CREB5: variants seen among roughly 807,000 people sequenced by gnomAD.
The protein encoded by CREB5 is cAMP responsive element binding protein 5.
CREB5 carries 19 observed loss-of-function variants against 57.1 expected under a neutral mutation model. The observed-to-expected ratio is 0.33, with a 90% CI of 0.23 to 0.49. The LOEUF (loss-of-function observed/expected upper bound fraction) is 0.49. Among genes scored for constraint, CREB5 ranks in the 20% least tolerant of loss-of-function variants. The probability of loss-of-function intolerance (pLI) is 0.99; values close to 1 mark genes in which losing one functional copy is unlikely to be tolerated. For missense variants in CREB5, 579 were observed against 671.6 expected, an observed-to-expected ratio of 0.86 and a Z score of 1.52; for synonymous variants, 238 against 238.3, an observed-to-expected ratio of 1.00 and a Z score of 0.01.
chr7:28,311,333 T>G (rs1785272741), intron 1 of CREB5, among the ~76,000 whole-genome samples: 1 of 152,056 alleles, frequency 6.6e-6, no homozygotes, highest in South Asian at 2.1e-4. Context: ...CTTGAGCCCT[T>G]AGGACCTATT....
At chr7:28,648,060 G>A (rs866956884) in intron 5 of CREB5, among the ~76,000 whole-genome samples, 11 of 152,182 alleles carry the variant, frequency 7.2e-5, no homozygotes, top group African/African-American at 1.9e-4. Context: ...GCATCATAGC[G>A]CAGAGTTGGA....
intron 1 of CREB5, among the ~76,000 whole-genome samples, chr7:28,455,971 T>G (rs899782938): frequency 1.3e-4 from 20 of 152,202 alleles, no homozygotes; most frequent in African/African-American, 4.6e-4. Context: ...GTCTGAGAAG[T>G]GTTACTGACC....
intron 1 of CREB5, among the ~76,000 whole-genome samples, chr7:28,302,507 A>T (rs563156115): frequency 7.2e-5 from 11 of 152,316 alleles, no homozygotes; most frequent in Admixed American, 5.2e-4. Flanking sequence ...AATTCATAGG[A>T]TTTAGAGCTG....
intron 7 of CREB5, among the ~76,000 whole-genome samples, chr7:28,803,186 G>T (rs1808472503): frequency 6.6e-6 from 1 of 152,144 alleles, no homozygotes; most frequent in African/African-American, 2.4e-5. Context: ...ATCAAAGGAG[G>T]TGCAATACTT....
intron 5 of CREB5, among the ~76,000 whole-genome samples, chr7:28,709,584 G>A (rs1242993001): frequency 1.3e-5 from 2 of 151,956 alleles, no homozygotes; most frequent in African/African-American, 2.4e-5. Context: ...TAGATGCAGT[G>A]TATATGCTAT....
At chr7:28,308,663 C>T (rs1449511527) in intron 1 of CREB5, among the ~76,000 whole-genome samples, 1 of 152,136 alleles carries the variant, frequency 6.6e-6, no homozygotes, top group Non-Finnish European at 1.5e-5. Flanking sequence ...ATGCCAGTCC[C>T]CCGGCACAAC....
At chr7:28,448,620 T>C (rs1478573622) in intron 1 of CREB5, among the ~76,000 whole-genome samples, 2 of 152,236 alleles carry the variant, frequency 1.3e-5, no homozygotes, top group African/African-American at 4.8e-5. Context: ...TCTTTAACCT[T>C]CTAAATTCTT....
chr7:28,507,736 G>A lies in CREB5; in HGVS notation c.290G>A (p.Arg97Gln), dbSNP rs142741982. The A allele has an allele frequency of 1.5e-5, 24 of 1,598,674 alleles. No individual in the cohort carries two copies. Among genetic ancestry groups the A allele is most frequent in the Admixed American group, 5.0e-5 (3 of 59,438 alleles). The change falls in exon 4 of 11, where the codon CGG becomes CAG. Residue 97 changes from arginine to glutamine, a missense_variant and splice_region_variant. Arg to Gln is a conservative substitution (Grantham distance 43). Transcript: ENST00000357727. ...GCTCAGGAAGAGGAGAGCAGCAAGC[G>A]GGTAGGTTTGCTTGGATGGCCGCCT... The part of the protein sequence containing the change: ...RKAQEEESSK[R>Q]NISMHNAVGG...
At chr7:28,371,164 C>T (rs533571895) in intron 1 of CREB5, among the ~76,000 whole-genome samples, 13 of 152,096 alleles carry the variant, frequency 8.5e-5, no homozygotes, top group African/African-American at 2.4e-4. Flanking sequence ...GTAAAGAGAC[C>T]GGGCAGCAGC....
At chr7:28,348,940 CT>C (rs1299561618) in intron 1 of CREB5, among the ~76,000 whole-genome samples, 1 of 152,182 alleles carries the variant, frequency 6.6e-6, no homozygotes, top group East Asian at 1.9e-4. Flanking sequence ...TGGCCTAGCT[CT>C]TGTTCTTATT....
intron 1 of CREB5, among the ~76,000 whole-genome samples, chr7:28,336,607 GT>G (rs1325497401): frequency 6.6e-6 from 1 of 151,640 alleles, no homozygotes; most frequent in Admixed American, 6.6e-5. Flanking sequence ...TTGGTTAAAG[GT>G]TTGTCAATTT....
chr7:28,522,038 G>A (rs971528788), intron 4 of CREB5, among the ~76,000 whole-genome samples: 13 of 152,228 alleles, frequency 8.5e-5, no homozygotes, highest in African/African-American at 2.6e-4. Flanking sequence ...GTCAGGTGCC[G>A]TTCTAGAAGT....
At chr7:28,479,790 T>C (rs1167394654) in intron 1 of CREB5, among the ~76,000 whole-genome samples, 2 of 152,132 alleles carry the variant, frequency 1.3e-5, no homozygotes, top group Non-Finnish European at 2.9e-5. Context: ...GTAGTGGTAA[T>C]CATAGGAGTT....
At chr7:28,426,960 A>C (rs771046768) in intron 1 of CREB5, among the ~76,000 whole-genome samples, 43 of 152,204 alleles carry the variant, frequency 2.8e-4, no homozygotes, top group Non-Finnish European at 5.0e-4. Flanking sequence ...TAGAATCAGC[A>C]TGAGATCTTA....
chr7:28,616,385 T>G (rs1169235364), intron 5 of CREB5, among the ~76,000 whole-genome samples: 2 of 152,222 alleles, frequency 1.3e-5, no homozygotes, highest in Non-Finnish European at 2.9e-5. Context: ...CTTCTCCTCA[T>G]CAACTCTTTG....
In CREB5 at chr7:28,517,718, C is replaced by T. The variant is rs547470575; in HGVS notation, c.291+9981C>T. ...CTCCTGTCTGCAGTGGAATATCTGT[C>T]GCAGGCTTCTCTGCTTGACTGTTGT... On this transcript the variant is annotated intron_variant, in intron 4 of 10. Coordinates refer to ENST00000357727, the MANE Select transcript of CREB5 (RefSeq NM_182898.4). Among the ~76,000 whole-genome samples the T allele has an allele frequency of 7.9e-5, 12 of 152,198 alleles. 1 individual carries two copies. In the South Asian group the frequency reaches 2.5e-3, roughly 32 times the overall value.
chr7:28,373,445 C>T (rs138641585), intron 1 of CREB5, among the ~76,000 whole-genome samples: 3 of 136,292 alleles, frequency 2.2e-5, no homozygotes, highest in African/African-American at 5.4e-5. Context: ...TTTCTTTTTT[C>T]TTTTTTTTTT....
chr7:28,654,578 C>T (rs1292832857), intron 5 of CREB5, among the ~76,000 whole-genome samples: 4 of 152,212 alleles, frequency 2.6e-5, no homozygotes, highest in Non-Finnish European at 5.9e-5. Flanking sequence ...GATCCTGGAT[C>T]ATCCATTTAC....
intron 1 of CREB5, among the ~76,000 whole-genome samples, chr7:28,421,305 C>T (rs927053536): frequency 2.0e-5 from 3 of 152,152 alleles, no homozygotes; most frequent in Non-Finnish European, 4.4e-5. Flanking sequence ...ATCCAAGGTG[C>T]TACAAAAACA....
Sources: allele counts gnomAD v4.1 joint callset (sites outside exome capture counted in the v4.1 genomes callset), GRCh38; gene constraint gnomAD v4.1.1; transcripts MANE v1.5; gene names NCBI Gene and HGNC (gene_info 2026-07-23, HGNC 2026-07-21).